GRM1: variants seen among roughly 807,000 people sequenced by gnomAD.
The protein encoded by GRM1 is metabotropic glutamate receptor 1.
Under a neutral mutation model 90.9 loss-of-function variants are expected in GRM1, and 33 were observed. The observed-to-expected ratio is 0.36, with a 90% confidence interval of 0.28 to 0.49. The LOEUF (loss-of-function observed/expected upper bound fraction) is 0.49, where lower values mean the gene tolerates loss of function less well. GRM1 is among the 20% of genes least tolerant of loss of function. The pLI, the probability that GRM1 is intolerant of heterozygous loss-of-function variation, is 0.99. For missense variants in GRM1, 1,190 were observed against 1,534.3 expected (o/e 0.78, Z 3.75); for synonymous variants, 700 against 613.2 (o/e 1.14, Z -2.09).
intron 3 of GRM1, among the ~76,000 whole-genome samples, chr6:146,320,824 T>G (rs1784157963): frequency 6.6e-6 from 1 of 152,214 alleles, no homozygotes; most frequent in Non-Finnish European, 1.5e-5. Flanking sequence ...ATCCCCTTTC[T>G]CATATTTTAT....
intron 1 of GRM1, among the ~76,000 whole-genome samples, chr6:146,069,724 G>A (rs950123126): frequency 1.2e-4 from 18 of 152,270 alleles, no homozygotes; most frequent in African/African-American, 4.3e-4. Flanking sequence ...AGAAAGTTAT[G>A]AAAACTACTG....
chr6:146,433,525 A>AGTGTGTGTGTGTGT (rs72224796), intron 7 of GRM1, among the ~76,000 whole-genome samples: 3 of 148,088 alleles, frequency 2.0e-5, no homozygotes, highest in Admixed American at 6.7e-5. Flanking sequence ...GTTTTTCAAA[A>AGTGTGTGTGTGTGT]GTGTGTGTGT....
chr6:146,273,245 G>C (rs1488766065), intron 2 of GRM1, among the ~76,000 whole-genome samples: 1 of 152,102 alleles, frequency 6.6e-6, no homozygotes, highest in African/African-American at 2.4e-5. Context: ...ATAGTATGGG[G>C]CTTCCTTGGT....
Position 146,359,458 on chromosome 6 carries a change from C to G in GRM1, c.1602+1764C>G, listed in dbSNP as rs1775375500. On this transcript the variant is annotated intron_variant, in intron 5 of 7. Coordinates refer to ENST00000282753, the MANE Select transcript of GRM1 (RefSeq NM_001278064.2). ...CTCCAGTGTGGGTGTAGCATTGAGT[C>G]TATTGTGCAGACAATTACTGGGAAA... Among the ~76,000 whole-genome samples the G allele has an allele frequency of 2.0e-5, 3 of 152,180 alleles. No homozygotes were observed. The South Asian group carries it at 6.2e-4, about 31-fold the overall frequency.
chr6:146,062,761 C>T (rs1394457140), intron 1 of GRM1, among the ~76,000 whole-genome samples: 3 of 151,918 alleles, frequency 2.0e-5, no homozygotes, highest in African/African-American at 7.3e-5. Context: ...TGTTTTTGGT[C>T]GATTACTCTG....
At chr6:146,028,301 G>A (rs1747988969), upstream of GRM1, among the ~76,000 whole-genome samples, 1 of 150,976 alleles carries the variant, frequency 6.6e-6, no homozygotes, top group African/African-American at 2.4e-5. Flanking sequence ...CTCAGAGGAG[G>A]GAGGTTGAAA....
Position 146,132,286 on chromosome 6 carries a change from G to C in GRM1, c.701-27062G>C, listed in dbSNP as rs559872153. 3.8e-3 allele frequency among the ~76,000 whole-genome samples: 554 copies of C among 146,680 alleles called. 3 individuals are homozygous for C. Among genetic ancestry groups the C allele is most frequent in the Middle Eastern group, 6.8e-3 (2 of 292 alleles). ...GGAGAGGAAAAACAGTGGATGTGGT[G>C]GGGGGGGACCACATTGAAGGATATG... On this transcript the variant is annotated intron_variant, in intron 1 of 7. Coordinates refer to ENST00000282753, the MANE Select transcript of GRM1 (RefSeq NM_001278064.2).
intron 2 of GRM1, among the ~76,000 whole-genome samples, chr6:146,299,805 A>G (rs1783308968): frequency 6.6e-6 from 1 of 152,168 alleles, no homozygotes; most frequent in East Asian, 1.9e-4. Context: ...CTAGACTTCC[A>G]GCTCCTTTTT....
intron 3 of GRM1, among the ~76,000 whole-genome samples, chr6:146,342,970 C>CT (rs555298710): frequency 1.1e-3 from 158 of 149,028 alleles, no homozygotes; most frequent in African/African-American, 3.1e-3. Flanking sequence ...CAGATTTCAT[C>CT]TTTTTTTTTT....
chr6:146,246,714 T>C (rs950684758), intron 2 of GRM1, among the ~76,000 whole-genome samples: 5 of 152,212 alleles, frequency 3.3e-5, no homozygotes, highest in Non-Finnish European at 7.3e-5. Context: ...ATCCAATACA[T>C]GAAATAGGTA....
At chr6:146,213,039 G>A (rs1360945329) in intron 2 of GRM1, among the ~76,000 whole-genome samples, 3 of 151,918 alleles carry the variant, frequency 2.0e-5, no homozygotes, top group Non-Finnish European at 4.4e-5. Flanking sequence ...GGGGTAATTG[G>A]TATAATAAGG....
chr6:146,048,515 T>C (rs1235521550), intron 1 of GRM1, among the ~76,000 whole-genome samples: 1 of 152,010 alleles, frequency 6.6e-6, no homozygotes, highest in Non-Finnish European at 1.5e-5. Context: ...CCTCTGTTTT[T>C]GTTATGGGTT....
intron 2 of GRM1, among the ~76,000 whole-genome samples, chr6:146,230,373 C>T (rs376266992): frequency 3.9e-5 from 6 of 152,088 alleles, no homozygotes; most frequent in South Asian, 4.2e-4. Flanking sequence ...GTCACCTCAC[C>T]GAAGAAGGTA....
chr6:146,047,413 A>T (rs1202883836), intron 1 of GRM1, among the ~76,000 whole-genome samples: 1 of 151,826 alleles, frequency 6.6e-6, no homozygotes, highest in Non-Finnish European at 1.5e-5. Context: ...GAGCAACATA[A>T]ATATTTGATT....
chr6:146,179,128 T>C (rs754620675), intron 2 of GRM1, among the ~76,000 whole-genome samples: 5 of 151,990 alleles, frequency 3.3e-5, no homozygotes, highest in East Asian at 1.9e-4. Context: ...AATATACAAA[T>C]TGGGAGAAAA....
rs774753424 is a variant in GRM1 at position 146,029,649 on chromosome 6, T to C, written c.132T>C (p.Asp44=). 2 of 1,613,818 alleles carry C rather than the reference T, an allele frequency of 1.2e-6. No homozygotes were observed. Among genetic ancestry groups the C allele is most frequent in the Non-Finnish European group, 1.7e-6 (2 of 1,179,940 alleles). ...GCTCGGTGGCCAGAATGGACGGAGA[T>C]GTCATCATTGGAGCCCTCTTCTCAG... ...SQRSVARMDG[D]VIIGALFSVH... is the part of the protein sequence containing the mutation. Residue 44 remains aspartate (D), a synonymous_variant, in exon 1 of 8, where the codon GAT becomes GAC. Coordinates refer to ENST00000282753, the MANE Select transcript of GRM1 (RefSeq NM_001278064.2).
intron 2 of GRM1, 44 bp downstream of exon 2, chr6:146,159,641 T>TCTCTCTCACACACACA (rs372590505): frequency 8.7e-4 from 633 of 728,282 alleles, no homozygotes; most frequent in Middle Eastern, 3.4e-3. Flanking sequence ...TCTCTCTCTC[T>TCTCTCTCACACACACA]CACACACACA....
chr6:146,176,520 G>A (rs2114528454), intron 2 of GRM1, among the ~76,000 whole-genome samples: 1 of 152,126 alleles, frequency 6.6e-6, no homozygotes, highest in South Asian at 2.1e-4. Context: ...TTTGGTTTTA[G>A]TGTGTTGACT....
chr6:146,372,517 A>G (rs1240999713), intron 5 of GRM1, among the ~76,000 whole-genome samples: 1 of 151,888 alleles, frequency 6.6e-6, no homozygotes, highest in Non-Finnish European at 1.5e-5. Flanking sequence ...CTTGTGGGGT[A>G]TTGCTCAAGA....
Sources: allele counts gnomAD v4.1 joint callset (sites outside exome capture counted in the v4.1 genomes callset), GRCh38; gene constraint gnomAD v4.1.1; transcripts MANE v1.5; gene names NCBI Gene and HGNC (gene_info 2026-07-23, HGNC 2026-07-21).